FAT3: variants seen among roughly 807,000 people sequenced by gnomAD.
FAT3 encodes the protein FAT atypical cadherin 3.
In FAT3, 95 loss-of-function variants were observed where a neutral mutation model predicts 310.2. That is an observed-to-expected ratio of 0.31 (90% confidence interval 0.26 to 0.36). FAT3 has a LOEUF of 0.36. Among genes scored for constraint, FAT3 ranks in the 10% least tolerant of loss-of-function variants. The pLI is 1.00. For missense variants in FAT3, 5,408 were observed against 5,715.6 expected (o/e 0.95, Z 1.74); for synonymous variants, 2,314 against 2,192.9 (o/e 1.06, Z -1.54).
intron 3 of FAT3, among the ~76,000 whole-genome samples, chr11:92,663,545 C>CT (rs1216776706): frequency 6.6e-6 from 1 of 152,188 alleles, no homozygotes; most frequent in Non-Finnish European, 1.5e-5. Context: ...AATCTTACAT[C>CT]TGGCATGTCC....
chr11:92,844,411 C>T lies in FAT3; in HGVS notation c.11044C>T (p.Gln3682Ter). 1 of 1,613,984 alleles carries T rather than the reference C, an allele frequency of 6.2e-7. No homozygotes were observed. The highest frequency in any genetic ancestry group is 8.5e-7 in the Non-Finnish European group (1 of 1,179,896). ...GCGGAATGCAGTCCTCACCCAGAAGCAGGACAGCCTGCGCATCATCAGCAT... is the reference window on the plus strand; with the variant it reads ...GCGGAATGCAGTCCTCACCCAGAAGTAGGACAGCCTGCGCATCATCAGCAT... ...TLRNAVLTQK[Q>*]DSLRIISIQP... The change falls in exon 19 of 28, where the codon CAG becomes TAG. Residue 3682 changes from glutamine to a stop codon, truncating the protein, a stop_gained. Transcript: ENST00000525166. LOFTEE classifies it high-confidence loss of function.
intron 1 of FAT3, among the ~76,000 whole-genome samples, chr11:92,308,976 T>C (rs1591085464): frequency 6.6e-6 from 1 of 152,064 alleles, no homozygotes; most frequent in Admixed American, 6.6e-5. Flanking sequence ...TTGGGTCCTC[T>C]GGAATTCTAC....
At chr11:92,454,381 G>A (rs539210671) in intron 2 of FAT3, among the ~76,000 whole-genome samples, 1 of 152,246 alleles carries the variant, frequency 6.6e-6, no homozygotes, top group Non-Finnish European at 1.5e-5. Flanking sequence ...CACGAGTATA[G>A]TGCAACCAGC....
intron 3 of FAT3, among the ~76,000 whole-genome samples, chr11:92,602,505 G>A (rs1474971798): frequency 6.6e-6 from 1 of 152,214 alleles, no homozygotes; most frequent in Non-Finnish European, 1.5e-5. Flanking sequence ...ATGATGAGAA[G>A]TGGTGCCAGA....
intron 1 of FAT3, among the ~76,000 whole-genome samples, chr11:92,240,717 G>C (rs375125054): frequency 6.6e-6 from 1 of 151,890 alleles, no homozygotes; most frequent in Non-Finnish European, 1.5e-5. Flanking sequence ...ATATTGTTTT[G>C]TCTGTTGTGA....
intron 3 of FAT3, among the ~76,000 whole-genome samples, chr11:92,532,871 G>A (rs971138623): frequency 1.3e-5 from 2 of 152,116 alleles, no homozygotes; most frequent in African/African-American, 2.4e-5. Flanking sequence ...TAGATGAAAA[G>A]GGGGGAAGAA....
intron 2 of FAT3, among the ~76,000 whole-genome samples, chr11:92,420,796 T>G (rs1034476553): frequency 2.6e-4 from 39 of 152,298 alleles, no homozygotes; most frequent in African/African-American, 7.9e-4. Flanking sequence ...GAACACTTGA[T>G]TCCCAATTAT....
At chr11:92,590,308 T>C (rs1432207630) in intron 3 of FAT3, among the ~76,000 whole-genome samples, 1 of 152,178 alleles carries the variant, frequency 6.6e-6, no homozygotes, top group Non-Finnish European at 1.5e-5. Context: ...TTTCAAACTT[T>C]AGTTGGACTC....
intron 1 of FAT3, among the ~76,000 whole-genome samples, chr11:92,252,477 T>G (rs987648248): frequency 6.6e-6 from 1 of 152,114 alleles, no homozygotes; most frequent in African/African-American, 2.4e-5. Flanking sequence ...CTAGGACCAT[T>G]ATGACCATTT....
At chr11:92,540,535 A>G (rs1009643083) in intron 3 of FAT3, among the ~76,000 whole-genome samples, 11 of 152,172 alleles carry the variant, frequency 7.2e-5, no homozygotes, top group African/African-American at 2.4e-4. Flanking sequence ...GCTTCTTTTC[A>G]TGAGACTCCT....
At chr11:92,574,232 C>A (rs1026228353) in intron 3 of FAT3, among the ~76,000 whole-genome samples, 5 of 152,160 alleles carry the variant, frequency 3.3e-5, no homozygotes, top group Non-Finnish European at 7.4e-5. Flanking sequence ...TGTGAAAATA[C>A]TGTAGCAACA....
At chr11:92,648,782 A>G (rs1188515773) in intron 3 of FAT3, among the ~76,000 whole-genome samples, 1 of 152,226 alleles carries the variant, frequency 6.6e-6, no homozygotes, top group East Asian at 1.9e-4. Context: ...TGTGACGGCC[A>G]TGCTCATTGC....
At chr11:92,571,915 C>T (rs1955676337) in intron 3 of FAT3, among the ~76,000 whole-genome samples, 1 of 152,206 alleles carries the variant, frequency 6.6e-6, no homozygotes, top group Non-Finnish European at 1.5e-5. Context: ...CGTTTTTGCA[C>T]TTCTGAAAAC....
Position 92,658,330 on chromosome 11 carries a change from A to C in FAT3, c.3608-39054A>C, listed in dbSNP as rs575599867. Among the ~76,000 whole-genome samples the C allele has an allele frequency of 1.0e-3, 154 of 152,346 alleles. 1 individual carries two copies. The highest frequency in any genetic ancestry group is 3.2e-3 in the African/African-American group (131 of 41,586). The stretch of plus-strand genomic sequence containing the variant: ...ATTTAAGTTTGAACTATTTAAAATT[A>C]AGTGAAATTTACAAGTCGTCTTCTC... On this transcript the variant is annotated intron_variant, in intron 3 of 27. Coordinates refer to ENST00000525166, the MANE Select transcript of FAT3 (RefSeq NM_001367949.2).
chr11:92,472,934 G>A (rs1280312144), intron 2 of FAT3, among the ~76,000 whole-genome samples: 1 of 152,162 alleles, frequency 6.6e-6, no homozygotes, highest in Non-Finnish European at 1.5e-5. Flanking sequence ...TAAGAAGGCT[G>A]CTTGCTCTTC....
At chr11:92,399,102 T>A (rs1949952365) in intron 2 of FAT3, among the ~76,000 whole-genome samples, 1 of 152,188 alleles carries the variant, frequency 6.6e-6, no homozygotes, top group Non-Finnish European at 1.5e-5. Flanking sequence ...ACCAAATAAT[T>A]CAGTGAAAGT....
At chr11:92,814,173 T>C (rs893302979) in intron 13 of FAT3, among the ~76,000 whole-genome samples, 9 of 152,282 alleles carry the variant, frequency 5.9e-5, no homozygotes, top group African/African-American at 2.2e-4. Flanking sequence ...AATTACGAAG[T>C]CTCAGGTATT....
At chr11:92,624,098 T>C (rs577519322) in intron 3 of FAT3, among the ~76,000 whole-genome samples, 1 of 152,240 alleles carries the variant, frequency 6.6e-6, no homozygotes, top group Non-Finnish European at 1.5e-5. Context: ...CAAAAAGCTA[T>C]TACAATGCAA....
chr11:92,724,736 C>T (rs1944953368), intron 4 of FAT3, among the ~76,000 whole-genome samples: 1 of 152,148 alleles, frequency 6.6e-6, no homozygotes, highest in African/African-American at 2.4e-5. Flanking sequence ...AACAGCAGCT[C>T]TTGCTAAAAC....
Sources: allele counts gnomAD v4.1 joint callset (sites outside exome capture counted in the v4.1 genomes callset), GRCh38; gene constraint gnomAD v4.1.1; transcripts MANE v1.5; gene names NCBI Gene and HGNC (gene_info 2026-07-23, HGNC 2026-07-21).